SETBP1: variants seen among roughly 807,000 people sequenced by gnomAD.
The protein encoded by SETBP1 is SET-binding protein.
SETBP1 carries 9 observed loss-of-function variants against 101.0 expected under a neutral mutation model. That is an observed-to-expected ratio of 0.09 (90% CI 0.05 to 0.16). The LOEUF (loss-of-function observed/expected upper bound fraction) is 0.16, where lower values mean the gene tolerates loss of function less well. Ranked by LOEUF, SETBP1 falls within the 10% of genes least tolerant of loss-of-function variation. The pLI, the probability that SETBP1 is intolerant of heterozygous loss-of-function variation, is 1.00. For synonymous variants in SETBP1, 818 were observed against 788.5 expected (o/e 1.04, Z -0.63); for missense variants, 1,858 against 2,033.8 (o/e 0.91, Z 1.66).
chr18:45,008,607 C>T (rs1419109368), intron 4 of SETBP1, among the ~76,000 whole-genome samples: 1 of 152,210 alleles, frequency 6.6e-6, no homozygotes, highest in Non-Finnish European at 1.5e-5. Context: ...TAGCTCTGAC[C>T]TCAGGCAAAA....
chr18:44,794,370 G>A (rs2071430082), intron 2 of SETBP1, among the ~76,000 whole-genome samples: 1 of 152,178 alleles, frequency 6.6e-6, no homozygotes, highest in Non-Finnish European at 1.5e-5. Flanking sequence ...CCACCAAGAG[G>A]TGGAACTGGG....
chr18:44,792,661 C>T (rs2071393533), intron 2 of SETBP1, among the ~76,000 whole-genome samples: 1 of 152,192 alleles, frequency 6.6e-6, no homozygotes, highest in South Asian at 2.1e-4. Flanking sequence ...CTCTCCTCTG[C>T]CTCCCCTCCA....
intron 2 of SETBP1, among the ~76,000 whole-genome samples, chr18:44,868,701 CGGAAGGAAGGGAGGAAGGAA>C (rs1364938631): frequency 0.03 from 3,349 of 112,270 alleles, 196 homozygotes; most frequent in South Asian, 0.073. Context: ...AGAGAGAGGA[CGGAAGGAAGGGAGGAAGGAA>C]GGAAGGAAGG....
chr18:44,897,254 C>T (rs2069927784), intron 3 of SETBP1, among the ~76,000 whole-genome samples: 1 of 152,202 alleles, frequency 6.6e-6, no homozygotes, highest in Non-Finnish European at 1.5e-5. Context: ...ACTTGGGCTG[C>T]TTCCCTATCC....
intron 2 of SETBP1, among the ~76,000 whole-genome samples, chr18:44,824,562 G>A (rs1479610724): frequency 6.6e-6 from 1 of 152,164 alleles, no homozygotes; most frequent in Non-Finnish European, 1.5e-5. Context: ...TTTCCTGATT[G>A]CGCCTCTATA....
intron 3 of SETBP1, among the ~76,000 whole-genome samples, chr18:44,887,824 GC>G (rs1473397668): frequency 6.6e-5 from 10 of 152,182 alleles, no homozygotes; most frequent in Admixed American, 5.9e-4. Flanking sequence ...GCAGGGGAAG[GC>G]CAGAAGGAGT....
At chr18:44,834,634 T>C (rs767709806) in intron 2 of SETBP1, among the ~76,000 whole-genome samples, 7 of 152,208 alleles carry the variant, frequency 4.6e-5, no homozygotes, top group Non-Finnish European at 1.5e-5. Context: ...CCAGTAAATG[T>C]AATGATTAAT....
intron 3 of SETBP1, among the ~76,000 whole-genome samples, chr18:44,922,690 T>C (rs1373243753): frequency 6.6e-6 from 1 of 152,260 alleles, no homozygotes; most frequent in African/African-American, 2.4e-5. Context: ...GAGTTTTTCT[T>C]GCCTAGCTGA....
chr18:44,965,283 A>AC (rs1292079112), intron 4 of SETBP1, among the ~76,000 whole-genome samples: 15 of 92,838 alleles, frequency 1.6e-4, no homozygotes, highest in African/African-American at 5.2e-4. Flanking sequence ...ACATGCACAC[A>AC]AACACACACA....
chr18:45,008,226 A>C (rs1218337649), intron 4 of SETBP1, among the ~76,000 whole-genome samples: 1 of 152,196 alleles, frequency 6.6e-6, no homozygotes, highest in Non-Finnish European at 1.5e-5. Context: ...TTCTTCATCA[A>C]TCTCATGGGA....
At chr18:45,037,443 A>G (rs1303636359) in intron 4 of SETBP1, among the ~76,000 whole-genome samples, 1 of 152,202 alleles carries the variant, frequency 6.6e-6, no homozygotes, top group Admixed American at 6.5e-5. Context: ...AAGCACTTTT[A>G]TAGCACGGAG....
chr18:44,995,616 A>G (rs1021870040), intron 4 of SETBP1, among the ~76,000 whole-genome samples: 4 of 151,138 alleles, frequency 2.6e-5, no homozygotes, highest in Non-Finnish European at 5.9e-5. Context: ...GTATTCATCC[A>G]TTTATGCTGC....
At chr18:44,710,345 G>T (rs756933282) in intron 2 of SETBP1, among the ~76,000 whole-genome samples, 5 of 151,888 alleles carry the variant, frequency 3.3e-5, no homozygotes, top group African/African-American at 4.8e-5. Context: ...TCAAGGTGGA[G>T]AACACAGGGT....
At chr18:44,815,595 A>G (rs113150511) in intron 2 of SETBP1, among the ~76,000 whole-genome samples, 2,466 of 152,272 alleles carry the variant, frequency 0.016, 31 homozygotes, top group Non-Finnish European at 0.024. Context: ...TTTGCTATTC[A>G]TGCATATAGT....
intron 3 of SETBP1, among the ~76,000 whole-genome samples, chr18:44,930,898 T>G (rs1299253539): frequency 9.9e-5 from 15 of 152,158 alleles, no homozygotes; most frequent in African/African-American, 3.6e-4. Context: ...GCTCCTGGAT[T>G]CATTGATTTT....
At chr18:44,806,842 A>G (rs961269783) in intron 2 of SETBP1, among the ~76,000 whole-genome samples, 4 of 151,504 alleles carry the variant, frequency 2.6e-5, no homozygotes, top group African/African-American at 9.7e-5. Flanking sequence ...TGGCTTGGTA[A>G]TGGTGCTTTA....
At chr18:44,759,350 G>T (rs1269616041) in intron 2 of SETBP1, among the ~76,000 whole-genome samples, 2 of 152,134 alleles carry the variant, frequency 1.3e-5, no homozygotes, top group South Asian at 4.1e-4. Context: ...GCTTTCCTGC[G>T]AAGGTGATAC....
At chr18:44,795,668 A>T (rs2071459513) in intron 2 of SETBP1, among the ~76,000 whole-genome samples, 1 of 152,256 alleles carries the variant, frequency 6.6e-6, no homozygotes, top group South Asian at 2.1e-4. Flanking sequence ...TATTTTATAC[A>T]TACAATGTTT....
At chr18:44,690,748 G>C (rs1010090723) in intron 1 of SETBP1, among the ~76,000 whole-genome samples, 2 of 152,046 alleles carry the variant, frequency 1.3e-5, no homozygotes, top group African/African-American at 4.8e-5. Context: ...AGTAAATCAG[G>C]GTTAAATAGT....
Sources: allele counts gnomAD v4.1 joint callset (sites outside exome capture counted in the v4.1 genomes callset), GRCh38; gene constraint gnomAD v4.1.1; transcripts MANE v1.5; gene names NCBI Gene and HGNC (gene_info 2026-07-23, HGNC 2026-07-21).